TOX: variants seen among roughly 807,000 people sequenced by gnomAD.
The protein encoded by TOX is thymocyte selection-associated high mobility group box protein TOX.
TOX carries 11 observed loss-of-function variants against 53.7 expected under a neutral mutation model. That is an observed-to-expected ratio of 0.20 (90% confidence interval 0.13 to 0.34). The LOEUF (loss-of-function observed/expected upper bound fraction) is 0.34. Among genes scored for constraint, TOX ranks in the 10% least tolerant of loss-of-function variants. TOX has a pLI of 1.00. For missense variants in TOX, 570 were observed against 664.6 expected, an observed-to-expected ratio of 0.86 and a Z score of 1.56; for synonymous variants, 225 against 245.3, an observed-to-expected ratio of 0.92 and a Z score of 0.77.
At chr8:58,907,956 G>A (rs773646104) in intron 3 of TOX, among the ~76,000 whole-genome samples, 14 of 152,072 alleles carry the variant, frequency 9.2e-5, no homozygotes, top group Non-Finnish European at 1.9e-4. Flanking sequence ...CTTAAGTTTC[G>A]GTGTACGTGT....
At chr8:59,039,774 T>C (rs1284562446) in intron 1 of TOX, among the ~76,000 whole-genome samples, 2 of 152,210 alleles carry the variant, frequency 1.3e-5, no homozygotes, top group African/African-American at 4.8e-5. Context: ...TTCAGAAAAA[T>C]ATCCAGCAAA....
intron 3 of TOX, among the ~76,000 whole-genome samples, chr8:58,905,131 C>A (rs1014209982): frequency 2.6e-5 from 4 of 152,166 alleles, no homozygotes; most frequent in Non-Finnish European, 5.9e-5. Context: ...CGGGGTTTTA[C>A]CATGTTGGCG....
At chr8:58,852,775 G>C (rs1240181847) in intron 3 of TOX, among the ~76,000 whole-genome samples, 1 of 152,050 alleles carries the variant, frequency 6.6e-6, no homozygotes, top group Non-Finnish European at 1.5e-5. Context: ...AAACAAGAGA[G>C]AAAAACAAGA....
intron 1 of TOX, among the ~76,000 whole-genome samples, chr8:58,986,332 G>A (rs905460301): frequency 1.3e-5 from 2 of 152,202 alleles, no homozygotes; most frequent in South Asian, 2.1e-4. Flanking sequence ...CTCCCAGTCC[G>A]CAAATTCAGT....
Position 58,815,733 on chromosome 8 carries a change from G to A in TOX, c.1006-9C>T, listed in dbSNP as rs1286022768. On this transcript the variant is annotated splice_polypyrimidine_tract_variant and intron_variant, in intron 6 of 8. Transcript: ENST00000361421. ...ACAGGTTCACTGTAGCTCTGTTGAG[G>A]AAATAAATGAGCAGAGTTGGGAGGC... is the stretch of plus-strand genomic sequence containing the variant. The A allele has an allele frequency of 6.3e-7, 1 of 1,594,888 alleles. No homozygotes were observed. The highest frequency in any genetic ancestry group is 1.3e-5 in the African/African-American group (1 of 74,410).
chr8:58,865,271 T>C (rs1371837686), intron 3 of TOX, among the ~76,000 whole-genome samples: 2 of 152,196 alleles, frequency 1.3e-5, no homozygotes, highest in East Asian at 1.9e-4. Context: ...TGCCATTATA[T>C]ATTGGAAGGC....
At chr8:59,113,370 T>C (rs1323322109) in intron 1 of TOX, among the ~76,000 whole-genome samples, 1 of 152,172 alleles carries the variant, frequency 6.6e-6, no homozygotes, top group Non-Finnish European at 1.5e-5. Flanking sequence ...ACATGAAGGT[T>C]GTCTTACTCT....
intron 1 of TOX, among the ~76,000 whole-genome samples, chr8:59,048,128 G>T (rs1156745580): frequency 6.6e-6 from 1 of 152,138 alleles, no homozygotes; most frequent in Non-Finnish European, 1.5e-5. Context: ...GATCAAAATG[G>T]CCATGATCCC....
intron 1 of TOX, among the ~76,000 whole-genome samples, chr8:59,083,085 A>G (rs368836039): frequency 2.2e-4 from 34 of 152,286 alleles, no homozygotes; most frequent in South Asian, 1.9e-3. Flanking sequence ...CCTTTGTACC[A>G]TAAGGGACAA....
At chr8:58,831,216 C>A (rs1018301465) in intron 5 of TOX, among the ~76,000 whole-genome samples, 12 of 152,086 alleles carry the variant, frequency 7.9e-5, no homozygotes, top group African/African-American at 2.9e-4. Context: ...AACCGAGGTC[C>A]TTGCCTGAAA....
At chr8:59,041,458 A>T (rs6990147) in intron 1 of TOX, among the ~76,000 whole-genome samples, 6,280 of 152,208 alleles carry the variant, frequency 0.041, 270 homozygotes, top group African/African-American at 0.11. Context: ...TGTCTTTGCA[A>T]ACTCCGGTGA....
chr8:58,968,311 C>A (rs888091449), intron 1 of TOX, among the ~76,000 whole-genome samples: 2 of 152,306 alleles, frequency 1.3e-5, no homozygotes, highest in African/African-American at 4.8e-5. Context: ...AAATGAGGAG[C>A]AAAGACTTCG....
intron 1 of TOX, among the ~76,000 whole-genome samples, chr8:59,079,153 A>AT (rs1804350932): frequency 6.6e-6 from 1 of 152,268 alleles, no homozygotes; most frequent in Admixed American, 6.5e-5. Context: ...TGGAACTTAT[A>AT]TTTAAAAGGA....
intron 1 of TOX, among the ~76,000 whole-genome samples, chr8:59,031,673 G>C (rs1227374502): frequency 6.6e-6 from 1 of 152,188 alleles, no homozygotes; most frequent in African/African-American, 2.4e-5. Flanking sequence ...ATCAAGGAAG[G>C]CCTCTCTGAG....
At position 58,809,365 on chromosome 8, in the gene TOX, C is replaced by A. The variant is rs79707492; in HGVS notation, c.1393-1096G>T. 2.4e-3 allele frequency among the ~76,000 whole-genome samples: 372 copies of A among 152,312 alleles called. 11 individuals are homozygous for A. In the East Asian group the frequency reaches 0.066, roughly 27 times the overall value. On this transcript the variant is annotated intron_variant, in intron 7 of 8. Coordinates refer to ENST00000361421, the MANE Select transcript of TOX (RefSeq NM_014729.3). Reference sequence around the variant, plus strand: ...GAGGATTGATTTTTAACTAGGGATACCTCCTTAGACTTTTATTCATGTTTG... The same window carrying A: ...GAGGATTGATTTTTAACTAGGGATAACTCCTTAGACTTTTATTCATGTTTG...
At chr8:59,048,312 A>G (rs1274530502) in intron 1 of TOX, among the ~76,000 whole-genome samples, 1 of 152,160 alleles carries the variant, frequency 6.6e-6, no homozygotes, top group Non-Finnish European at 1.5e-5. Context: ...AAACTATTAG[A>G]TTGTGTTCAG....
Position 58,941,914 on chromosome 8 carries a change from G to A in TOX, c.169-2370C>T, listed in dbSNP as rs1563396182. 2.0e-5 allele frequency among the ~76,000 whole-genome samples: 3 copies of A among 152,116 alleles called. No homozygotes were observed. The East Asian group carries it at 5.8e-4, about 29-fold the overall frequency. ...TTAAAAATACAAAAATTAGCCGGGT[G>A]TGGTGGCGCATGCCTGTAGTCCCAG... is the stretch of plus-strand genomic sequence containing the variant. On this transcript the variant is annotated intron_variant, in intron 2 of 8. Transcript: ENST00000361421.
At chr8:59,013,857 T>A (rs1381961644) in intron 1 of TOX, among the ~76,000 whole-genome samples, 3 of 152,246 alleles carry the variant, frequency 2.0e-5, no homozygotes, top group Non-Finnish European at 2.9e-5. Flanking sequence ...AGTCATGTTG[T>A]TTCCTTCTGT....
intron 1 of TOX, among the ~76,000 whole-genome samples, chr8:59,032,878 A>G (rs1585976523): frequency 6.6e-6 from 1 of 152,020 alleles, no homozygotes; most frequent in Admixed American, 6.5e-5. Context: ...TAAAACTACA[A>G]AAAATTAGCT....
Sources: allele counts gnomAD v4.1 joint callset (sites outside exome capture counted in the v4.1 genomes callset), GRCh38; gene constraint gnomAD v4.1.1; transcripts MANE v1.5; gene names NCBI Gene and HGNC (gene_info 2026-07-23, HGNC 2026-07-21).